Variants in IMPG2 observed in about 807,000 individuals in gnomAD.
The protein encoded by IMPG2 is interphotoreceptor matrix proteoglycan 2.
A neutral mutation model predicts 129.2 loss-of-function variants in IMPG2; 91 were observed. That is an observed-to-expected ratio of 0.70 (90% CI 0.59 to 0.84). IMPG2 has a LOEUF of 0.84. Ranked by LOEUF, IMPG2 falls within the 40% of genes least tolerant of loss-of-function variation. IMPG2 has a pLI of 0.00. For synonymous variants in IMPG2, 510 were observed against 517.7 expected (o/e 0.99, Z 0.20); for missense variants, 1,430 against 1,461.7 (o/e 0.98, Z 0.35).
intron 8 of IMPG2, among the ~76,000 whole-genome samples, chr3:101,268,148 A>G (rs1706741622): frequency 6.6e-6 from 1 of 152,232 alleles, no homozygotes; most frequent in Non-Finnish European, 1.5e-5. Flanking sequence ...TGGCATTTCA[A>G]AAGCATTTTT....
At chr3:101,296,642 C>T (rs955098137) in intron 3 of IMPG2, among the ~76,000 whole-genome samples, 2 of 152,096 alleles carry the variant, frequency 1.3e-5, no homozygotes, top group African/African-American at 4.8e-5. Context: ...AGGAATGGTA[C>T]CAGCTCCTCT....
chr3:101,247,602 T>A (rs997784320), intron 11 of IMPG2, among the ~76,000 whole-genome samples: 15 of 149,438 alleles, frequency 1.0e-4, no homozygotes, highest in Non-Finnish European at 1.0e-4. Context: ...CGTCTCAAAA[T>A]AAAAAAAAAA....
chr3:101,275,540 C>A, intron 6 of IMPG2, 123 bp downstream of exon 6: 2 of 743,242 alleles, frequency 2.7e-6, no homozygotes, highest in East Asian at 2.5e-5. Context: ...TTTTAGGATC[C>A]ATGTCATTTT....
chr3:101,286,263 A>C (rs34309330), intron 4 of IMPG2, among the ~76,000 whole-genome samples: 4,032 of 152,236 alleles, frequency 0.026, 128 homozygotes, highest in South Asian at 0.13. Context: ...TTAGGTGATT[A>C]TTGAGTATGG....
intron 2 of IMPG2, among the ~76,000 whole-genome samples, chr3:101,306,467 C>T (rs1407012697): frequency 4.6e-5 from 7 of 152,154 alleles, no homozygotes; most frequent in Admixed American, 3.3e-4. Context: ...CAGCATACAG[C>T]GGGCACTGAC....
At chr3:101,318,965 T>C (rs1258437584) in intron 2 of IMPG2, among the ~76,000 whole-genome samples, 1 of 152,100 alleles carries the variant, frequency 6.6e-6, no homozygotes. Context: ...ATTTTATGTG[T>C]ACCAACTAGA....
chr3:101,269,531 G>T lies in IMPG2; in HGVS notation c.871C>A (p.Arg291Ser). 3 of 1,590,404 alleles carry T rather than the reference G, an allele frequency of 1.9e-6. No individual in the cohort carries two copies. The highest frequency in any genetic ancestry group is 2.6e-6 in the Non-Finnish European group (3 of 1,158,750). Residue 291 changes from arginine (R) to serine (S), a missense_variant, in exon 8 of 19, where the codon CGT (arginine) becomes AGT (serine). Arg to Ser is a moderately radical substitution (Grantham distance 110, BLOSUM62 -1). Coordinates refer to ENST00000193391, the MANE Select transcript of IMPG2 (RefSeq NM_016247.4). ...FTGLPGYKEI[R>S]VLEFRSPKEN... is the part of the protein sequence containing the mutation. ...TCTATTTACCTAAATTCAAGTACAC[G>T]AATTTCCTTGTAGCCTGGTAACCCA... is the stretch of plus-strand genomic sequence containing the variant.
intron 11 of IMPG2, among the ~76,000 whole-genome samples, chr3:101,249,201 G>A (rs1397169993): frequency 6.6e-6 from 1 of 151,908 alleles, no homozygotes; most frequent in African/African-American, 2.4e-5. Flanking sequence ...TTCTTTTTTT[G>A]CTCCTTTAAC....
chr3:101,278,695 A>G (rs992177176), intron 4 of IMPG2, among the ~76,000 whole-genome samples: 8 of 151,740 alleles, frequency 5.3e-5, no homozygotes, highest in Non-Finnish European at 1.0e-4. Flanking sequence ...TTTGAGAAAC[A>G]TAAGTTAAAA....
At chr3:101,259,234 G>A (rs1251004361) in intron 9 of IMPG2, among the ~76,000 whole-genome samples, 1 of 152,074 alleles carries the variant, frequency 6.6e-6, no homozygotes, top group Non-Finnish European at 1.5e-5. Context: ...GTCACACCAA[G>A]ATCCCTCCAG....
chr3:101,231,269 T>C lies in IMPG2; in HGVS notation c.3234-124A>G. 6 of 912,438 alleles carry C rather than the reference T, an allele frequency of 6.6e-6. No individual in the cohort carries two copies. The East Asian group carries it at 7.4e-5, about 11-fold the overall frequency. 56.5% of individuals were successfully genotyped at this position (912,438 alleles called of 1,614,324 possible). On this transcript the variant is annotated intron_variant, in intron 15 of 18. Transcript: ENST00000193391. ...TAAATGCTGACCACGTGAAGCTTCATAAAGAGTTGAATAGACAGATTAAAA... is the reference window on the plus strand; with the variant it reads ...TAAATGCTGACCACGTGAAGCTTCACAAAGAGTTGAATAGACAGATTAAAA...
intron 4 of IMPG2, among the ~76,000 whole-genome samples, chr3:101,290,039 AC>A (rs1706988448): frequency 2.6e-5 from 4 of 151,834 alleles, no homozygotes; most frequent in Non-Finnish European, 5.9e-5. Flanking sequence ...GGCACGATGA[AC>A]TTAGAGAGAG....
In IMPG2 at chr3:101,253,692, A is replaced by C. The variant is rs367761837; in HGVS notation, c.1239+4T>G. 4 of 1,605,338 alleles carry C rather than the reference A, an allele frequency of 2.5e-6. No homozygotes were observed. The African/African-American group carries it at 4.0e-5, about 16-fold the overall frequency. ...TGGTTCTAGCATAAAACATAAAAACATACCAGAATAGATGACGGCGTTGCC... is the reference window on the plus strand; with the variant it reads ...TGGTTCTAGCATAAAACATAAAAACCTACCAGAATAGATGACGGCGTTGCC... On this transcript the variant is annotated splice_donor_region_variant and intron_variant, in intron 11 of 18. Transcript: ENST00000193391.
At position 101,243,973 on chromosome 3, in the gene IMPG2, T is replaced by C; in HGVS notation, c.2358A>G (p.Arg786=). ...ILPESERVWT[R]TSSLEKLSRD... ...TGGACAATTTCTCTAGGGAAGAAGTTCTTGTCCAAACTCTCTCTGATTCTG... is the reference window on the plus strand; with the variant it reads ...TGGACAATTTCTCTAGGGAAGAAGTCCTTGTCCAAACTCTCTCTGATTCTG... Residue 786 remains arginine, a synonymous_variant, in exon 13 of 19, where the codon AGA becomes AGG. Transcript: ENST00000193391. 1 of 1,614,188 alleles carries C rather than the reference T, an allele frequency of 6.2e-7. No homozygotes were observed. The highest frequency in any genetic ancestry group is 8.5e-7 in the Non-Finnish European group (1 of 1,180,008).
intron 11 of IMPG2, among the ~76,000 whole-genome samples, chr3:101,247,257 A>G (rs1299982479): frequency 6.6e-6 from 1 of 152,224 alleles, no homozygotes; most frequent in Non-Finnish European, 1.5e-5. Context: ...TGGGTGTATG[A>G]AAACTGAAAA....
intron 2 of IMPG2, among the ~76,000 whole-genome samples, chr3:101,305,001 C>T (rs550241): frequency 6.6e-6 from 1 of 151,940 alleles, no homozygotes; most frequent in East Asian, 1.9e-4. Flanking sequence ...AAATAATAAT[C>T]TTTTTTATAC....
chr3:101,318,605 T>G (rs2058796538), intron 2 of IMPG2, among the ~76,000 whole-genome samples: 1 of 152,164 alleles, frequency 6.6e-6, no homozygotes, highest in South Asian at 2.1e-4. Context: ...GACAGAAGGT[T>G]CATATAATCC....
intron 3 of IMPG2, among the ~76,000 whole-genome samples, chr3:101,296,283 A>G (rs1443543871): frequency 2.0e-5 from 3 of 152,144 alleles, no homozygotes; most frequent in African/African-American, 7.2e-5. Flanking sequence ...AGGGCCGTTG[A>G]ATTTTGTCGA....
chr3:101,278,001 CA>C (rs11327577), intron 4 of IMPG2, among the ~76,000 whole-genome samples: 19,544 of 152,194 alleles, frequency 0.13, 1,319 homozygotes, highest in Middle Eastern at 0.17. Flanking sequence ...TTGAGAGGTC[CA>C]GGCGGGTCAA....
Sources: allele counts gnomAD v4.1 joint callset (sites outside exome capture counted in the v4.1 genomes callset), GRCh38; gene constraint gnomAD v4.1.1; transcripts MANE v1.5; gene names NCBI Gene and HGNC (gene_info 2026-07-23, HGNC 2026-07-21).